Variants in TAOK1 observed in about 807,000 individuals in gnomAD.
TAOK1 encodes TAO kinase 1.
A neutral mutation model predicts 138.3 loss-of-function variants in TAOK1; 21 were observed. The observed-to-expected ratio is 0.15, with a 90% CI of 0.11 to 0.22. TAOK1 has a LOEUF of 0.22. TAOK1 is among the 10% of genes least tolerant of loss of function. The probability of loss-of-function intolerance (pLI) is 1.00; values close to 1 mark genes in which losing one functional copy is unlikely to be tolerated. For missense variants in TAOK1, 651 were observed against 1,227.7 expected (o/e 0.53, Z 7.02); for synonymous variants, 361 against 398.4 (o/e 0.91, Z 1.12).
intron 16 of TAOK1, among the ~76,000 whole-genome samples, chr17:29,520,620 G>C (rs1470805013): frequency 6.6e-6 from 1 of 151,720 alleles, no homozygotes; most frequent in Admixed American, 6.6e-5. Flanking sequence ...TCACCATGTT[G>C]ACCAGGTTGG....
intron 1 of TAOK1, among the ~76,000 whole-genome samples, chr17:29,446,690 G>A (rs944753342): frequency 1.3e-5 from 2 of 151,102 alleles, no homozygotes; most frequent in African/African-American, 4.9e-5. Flanking sequence ...AGTGGACCAC[G>A]TACAACCATG....
chr17:29,488,774 A>G (rs1054464138), intron 8 of TAOK1, among the ~76,000 whole-genome samples: 1 of 36,430 alleles, frequency 2.7e-5, no homozygotes, highest in Non-Finnish European at 5.8e-5. Flanking sequence ...ACCTTAAACT[A>G]AAACAGAGCA....
At chr17:29,441,312 C>T (rs2029935357) in intron 1 of TAOK1, among the ~76,000 whole-genome samples, 1 of 152,094 alleles carries the variant, frequency 6.6e-6, no homozygotes, top group Admixed American at 6.5e-5. Context: ...AGTTCGAGTC[C>T]ACTCTGGGCA....
intron 1 of TAOK1, among the ~76,000 whole-genome samples, chr17:29,404,647 A>T (rs1567708820): frequency 6.6e-6 from 1 of 152,050 alleles, no homozygotes; most frequent in Non-Finnish European, 1.5e-5. Context: ...AAAATTAGCC[A>T]AGTACGGTGG....
In TAOK1 at chr17:29,475,790, C is replaced by G. The variant is rs372410494; in HGVS notation, c.306+19C>G. On this transcript the variant is annotated intron_variant, in intron 4 of 19. Coordinates refer to ENST00000261716, the MANE Select transcript of TAOK1 (RefSeq NM_020791.4). Reference sequence around the variant, plus strand: ...AGCATGGGTTGGTATTTGTTCTCCCCTTGTTGCAGTTTTAGCTGATTTTGG... The same window carrying G: ...AGCATGGGTTGGTATTTGTTCTCCCGTTGTTGCAGTTTTAGCTGATTTTGG... The G allele has an allele frequency of 6.3e-7, 1 of 1,579,470 alleles. No homozygotes were observed. The highest frequency in any genetic ancestry group is 1.7e-5 in the Admixed American group (1 of 59,284).
intron 1 of TAOK1, among the ~76,000 whole-genome samples, chr17:29,394,072 A>G (rs1448792967): frequency 3.3e-5 from 5 of 149,740 alleles, no homozygotes; most frequent in Admixed American, 2.7e-4. Flanking sequence ...TAAGAAAGCA[A>G]CTCTTTAGTT....
chr17:29,443,482 G>T (rs2029999022), intron 1 of TAOK1, among the ~76,000 whole-genome samples: 1 of 152,146 alleles, frequency 6.6e-6, no homozygotes, highest in African/African-American at 2.4e-5. Flanking sequence ...CTTTCTTGGA[G>T]ATGTATGGGT....
At chr17:29,534,907 T>G (rs911310546) in intron 19 of TAOK1, among the ~76,000 whole-genome samples, 5 of 151,430 alleles carry the variant, frequency 3.3e-5, no homozygotes, top group African/African-American at 1.2e-4. Flanking sequence ...ATCCCCAAAT[T>G]TCCATCCTTC....
rs775604910 is a variant in TAOK1, at chr17:29,510,933, A to T, written c.1645A>T (p.Asn549Tyr). 6.8e-6 allele frequency: 11 copies of T among 1,611,930 alleles called. No individual in the cohort carries two copies. Among genetic ancestry groups the T allele is most frequent in the Non-Finnish European group, 9.3e-6 (11 of 1,179,062 alleles). The change falls in exon 15 of 20, where the codon AAT becomes TAT. Residue 549 changes from asparagine (N) to tyrosine (Y), a missense_variant. Physicochemically the swap from Asn to Tyr is moderately radical, Grantham distance 143. Around this residue, in one of 8 missense-constraint regions of TAOK1, gnomAD observed 258 missense variants for 548.9 expected, o/e 0.47. Transcript: ENST00000261716. Reference sequence around the variant, plus strand: ...TCAGGCCCAACAGAAGAAAGAACTGAATAGTTTTCTCGAGTCCCAGAAAAG... The same window carrying T: ...TCAGGCCCAACAGAAGAAAGAACTGTATAGTTTTCTCGAGTCCCAGAAAAG... The part of the protein sequence containing the change: ...HIQAQQKKEL[N>Y]SFLESQKREY...
rs1183993280 is a variant in TAOK1, at chr17:29,409,308, C to CATATAT, written c.-95+18305_-95+18310dup. Among the ~76,000 whole-genome samples, 137 of 79,472 alleles carry CATATAT rather than the reference C, an allele frequency of 1.7e-3. 3 individuals are homozygous for CATATAT. The highest frequency in any genetic ancestry group is 5.8e-3 in the African/African-American group (102 of 17,560). 52.1% of individuals were successfully genotyped at this position (79,472 alleles called of 152,430 possible). On this transcript the variant is annotated intron_variant, in intron 1 of 19. Transcript: ENST00000261716. ...ATTTGTATATAAGCCTTTTTATGGACATATATATATATATATATATATATA... is the reference window on the plus strand; with the variant it reads ...ATTTGTATATAAGCCTTTTTATGGACATATATATATATATATATATATATATATATA...
In TAOK1 at chr17:29,482,212, A is replaced by C; in HGVS notation, c.579A>C (p.Val193=). ...TTTGTTCTAGGATGGCCCCAGAAGT[A>C]ATTTTAGCCATGGATGAAGGACAAT... ...VGTPYWMAPE[V]ILAMDEGQYD... The change falls in exon 8 of 20, where the codon GTA becomes GTC. Residue 193 remains valine (V), a synonymous_variant. Transcript: ENST00000261716. 6.2e-7 allele frequency: 1 copy of C among 1,611,894 alleles called. No homozygotes were observed. Among genetic ancestry groups the C allele is most frequent in the Non-Finnish European group, 8.5e-7 (1 of 1,179,162 alleles).
chr17:29,514,676 A>T (rs2559627), intron 15 of TAOK1: 53,838 of 151,774 alleles, frequency 0.35, 11,424 homozygotes, highest in Non-Finnish European at 0.48. Context: ...ACAGAATGCT[A>T]ATACTAGTAT....
At chr17:29,471,567 G>A (rs751627710) in intron 3 of TAOK1, among the ~76,000 whole-genome samples, 6 of 151,910 alleles carry the variant, frequency 3.9e-5, no homozygotes, top group African/African-American at 7.2e-5. Context: ...GTGAGCCACC[G>A]CGCCCAGCTT....
At chr17:29,407,664 C>G (rs1033898086) in intron 1 of TAOK1, among the ~76,000 whole-genome samples, 1 of 151,874 alleles carries the variant, frequency 6.6e-6, no homozygotes, top group East Asian at 1.9e-4. Context: ...CCAGGCTGGT[C>G]TCGAACTCCT....
At chr17:29,418,947 T>TTTTA (rs1555557975) in intron 1 of TAOK1, among the ~76,000 whole-genome samples, 2 of 132,576 alleles carry the variant, frequency 1.5e-5, no homozygotes, top group African/African-American at 5.5e-5. Context: ...TTTTTTTTTT[T>TTTTA]ATGTATGTTT....
At chr17:29,424,016 T>A (rs1171841388) in intron 1 of TAOK1, among the ~76,000 whole-genome samples, 2 of 142,756 alleles carry the variant, frequency 1.4e-5, no homozygotes, top group African/African-American at 2.6e-5. Flanking sequence ...GCCACTGCAC[T>A]CCAGCCTGGG....
chr17:29,514,885 G>A (rs1255366323), intron 15 of TAOK1: 1 of 150,486 alleles, frequency 6.6e-6, no homozygotes, highest in Non-Finnish European at 1.5e-5. Context: ...TGTGGTCCTA[G>A]CTACTCAGTA....
intron 13 of TAOK1, among the ~76,000 whole-genome samples, chr17:29,503,838 CG>C (rs1567737349): frequency 6.6e-6 from 1 of 151,694 alleles, no homozygotes; most frequent in Admixed American, 6.6e-5. Flanking sequence ...AGGTGGGGTG[CG>C]GTAGCTCACA....
Position 29,548,001 on chromosome 17 carries a change from GAAGT to G in TAOK1, c.*4984_*4987del. The G allele has an allele frequency of 6.6e-6, 1 of 152,252 alleles. No individual in the cohort carries two copies. Among genetic ancestry groups the G allele is most frequent in the South Asian group, 2.1e-4 (1 of 4,826 alleles). 9.4% of individuals were successfully genotyped at this position (152,252 alleles called of 1,614,324 possible). A position where few individuals can be genotyped will look rare whatever the true frequency, so the allele number is the denominator to read the frequency against. Reference sequence around the variant, plus strand: ...TTGGAAATGACTATTAATTTGTAAAGAAGTAAGTTTTATTAAACACTGTCTAGAA... The same window carrying G: ...TTGGAAATGACTATTAATTTGTAAAGAAGTTTTATTAAACACTGTCTAGAA... On this transcript the variant is annotated 3_prime_UTR_variant, in exon 20 of 20. Coordinates refer to ENST00000261716, the MANE Select transcript of TAOK1 (RefSeq NM_020791.4).
Sources: allele counts gnomAD v4.1 joint callset (sites outside exome capture counted in the v4.1 genomes callset), GRCh38; gene constraint gnomAD v4.1.1; regional missense constraint gnomAD v4.1.1; transcripts MANE v1.5; gene names NCBI Gene and HGNC (gene_info 2026-07-23, HGNC 2026-07-21).